The following NLGN1 variants were observed in gnomAD, a reference collection of about 807,000 sequenced individuals.
NLGN1 encodes the protein neuroligin-1.
NLGN1 carries 12 observed loss-of-function variants against 65.5 expected under a neutral mutation model. That is an observed-to-expected ratio of 0.18 (90% CI 0.12 to 0.30). The LOEUF is 0.30. Among genes scored for constraint, NLGN1 ranks in the 10% least tolerant of loss-of-function variants. The pLI, the probability that NLGN1 is intolerant of heterozygous loss-of-function variation, is 1.00. For synonymous variants in NLGN1, 350 were observed against 359.5 expected (o/e 0.97, Z 0.30); for missense variants, 750 against 1,007.1 (o/e 0.74, Z 3.46).
At chr3:174,262,553 G>C (rs1747152604) in intron 4 of NLGN1, among the ~76,000 whole-genome samples, 1 of 143,282 alleles carries the variant, frequency 7.0e-6, no homozygotes, top group Non-Finnish European at 1.5e-5. Context: ...ATTTTTTATT[G>C]TGTCTATTTG....
intron 4 of NLGN1, among the ~76,000 whole-genome samples, chr3:174,031,072 A>G (rs1470626559): frequency 6.6e-6 from 1 of 152,194 alleles, no homozygotes; most frequent in Admixed American, 6.5e-5. Flanking sequence ...TTTTGCTTTC[A>G]GTGCCCAATA....
intron 4 of NLGN1, among the ~76,000 whole-genome samples, chr3:174,006,799 G>A (rs1197985371): frequency 6.6e-6 from 1 of 151,948 alleles, no homozygotes; most frequent in Non-Finnish European, 1.5e-5. Context: ...CCAGGCATGG[G>A]GGCTCCTGCT....
At chr3:173,604,606 T>C in exon 3 of NLGN1, 15 of 1,613,278 alleles carry the variant, frequency 9.3e-6, no homozygotes, top group Non-Finnish European at 1.3e-5. Context: ...ACCATGGCAC[T>C]GCCCAGATGC....
Position 173,952,777 on chromosome 3 carries a change from C to CT in NLGN1, c.646+144961dup, listed in dbSNP as rs201322891. ...GTTTTTTTAAGTGGTTAAAATTTAC[C>CT]TTTTTTTTTTTTTTTTGAGACAGAG... On this transcript the variant is annotated intron_variant, in intron 4 of 6. Coordinates refer to ENST00000457714, the Ensembl canonical transcript of NLGN1. Among the ~76,000 whole-genome samples, 1,294 of 138,066 alleles carry CT rather than the reference C, an allele frequency of 9.4e-3. 27 individuals carry two copies. The highest frequency in any genetic ancestry group is 0.027 in the African/African-American group (1,005 of 37,778). 90.6% of individuals were successfully genotyped at this position (138,066 alleles called of 152,430 possible).
chr3:174,268,021 T>C (rs1432042007), intron 4 of NLGN1, among the ~76,000 whole-genome samples: 1 of 152,174 alleles, frequency 6.6e-6, no homozygotes, highest in Admixed American at 6.5e-5. Flanking sequence ...GTATAGTTTT[T>C]ATTGTTCCTG....
chr3:173,552,185 G>A (rs6796497), intron 2 of NLGN1, among the ~76,000 whole-genome samples: 85,793 of 151,870 alleles, frequency 0.56, 24,188 homozygotes, highest in East Asian at 0.8. Flanking sequence ...TCATGAAAAT[G>A]TGGAGAAATC....
chr3:173,952,463 G>T (rs1748394954), intron 4 of NLGN1, among the ~76,000 whole-genome samples: 1 of 152,138 alleles, frequency 6.6e-6, no homozygotes, highest in African/African-American at 2.4e-5. Context: ...GGATTTTTCA[G>T]TTATAGAAGC....
chr3:174,166,046 G>A (rs546892706), intron 4 of NLGN1, among the ~76,000 whole-genome samples: 37 of 151,846 alleles, frequency 2.4e-4, no homozygotes, highest in Non-Finnish European at 3.8e-4. Flanking sequence ...ATAATGCCAC[G>A]TTTGTCATTT....
chr3:174,138,996 A>G (rs1231704301), intron 4 of NLGN1, among the ~76,000 whole-genome samples: 1 of 152,222 alleles, frequency 6.6e-6, no homozygotes, highest in Non-Finnish European at 1.5e-5. Context: ...GCTAAAGAAT[A>G]TAGAAGCCAA....
intron 4 of NLGN1, among the ~76,000 whole-genome samples, chr3:173,835,195 A>C (rs547956088): frequency 1.4e-4 from 22 of 152,316 alleles, no homozygotes; most frequent in African/African-American, 5.3e-4. Flanking sequence ...AGTTTATCAG[A>C]AATTTATTAT....
chr3:173,905,983 A>G (rs1738308408), intron 4 of NLGN1, among the ~76,000 whole-genome samples: 1 of 152,258 alleles, frequency 6.6e-6, no homozygotes, highest in African/African-American at 2.4e-5. Context: ...GACCAAGAAC[A>G]GACACAAGGG....
intron 4 of NLGN1, among the ~76,000 whole-genome samples, chr3:174,257,704 G>A (rs1746052543): frequency 2.6e-5 from 4 of 151,484 alleles, no homozygotes; most frequent in Admixed American, 2.6e-4. Context: ...GTTGTCTAGA[G>A]GGACAGAACT....
chr3:174,069,285 C>A (rs1471887384), intron 4 of NLGN1, among the ~76,000 whole-genome samples: 1 of 152,178 alleles, frequency 6.6e-6, no homozygotes, highest in African/African-American at 2.4e-5. Context: ...GGATATGAGG[C>A]TAAATAATAA....
chr3:173,747,057 T>TAC (rs765173809), intron 3 of NLGN1, among the ~76,000 whole-genome samples: 5 of 81,752 alleles, frequency 6.1e-5, no homozygotes, highest in East Asian at 8.5e-4. Context: ...AAAAATTATA[T>TAC]ATACACACAC....
At chr3:174,087,738 T>G (rs1743699050) in intron 4 of NLGN1, among the ~76,000 whole-genome samples, 1 of 152,190 alleles carries the variant, frequency 6.6e-6, no homozygotes, top group Admixed American at 6.5e-5. Flanking sequence ...CACATAATTA[T>G]TTGACACTTC....
intron 4 of NLGN1, among the ~76,000 whole-genome samples, chr3:174,260,394 G>A (rs1746661440): frequency 1.3e-5 from 2 of 150,878 alleles, no homozygotes; most frequent in African/African-American, 2.4e-5. Context: ...GTGTGAGATG[G>A]TATCTCATTG....
chr3:174,120,035 C>T (rs1409605502), intron 4 of NLGN1, among the ~76,000 whole-genome samples: 2 of 152,070 alleles, frequency 1.3e-5, no homozygotes, highest in Non-Finnish European at 2.9e-5. Flanking sequence ...CACAAAATGT[C>T]CATTGACATT....
intron 4 of NLGN1, among the ~76,000 whole-genome samples, chr3:174,200,341 G>A (rs1226559435): frequency 1.3e-5 from 2 of 152,180 alleles, no homozygotes; most frequent in Admixed American, 6.5e-5. Flanking sequence ...TGAACACTGT[G>A]TTCTCAACTC....
chr3:174,052,160 T>C (rs968075810), intron 4 of NLGN1, among the ~76,000 whole-genome samples: 11 of 152,018 alleles, frequency 7.2e-5, no homozygotes, highest in Non-Finnish European at 1.5e-4. Context: ...ACCATTTTAC[T>C]GAATGTGCCA....
Sources: allele counts gnomAD v4.1 joint callset (sites outside exome capture counted in the v4.1 genomes callset), GRCh38; gene constraint gnomAD v4.1.1; transcripts MANE v1.5; gene names NCBI Gene and HGNC (gene_info 2026-07-23, HGNC 2026-07-21).